SLC35G1: variants seen among roughly 807,000 people sequenced by gnomAD.
The protein encoded by SLC35G1 is solute carrier family 35 member G1.
Under a neutral mutation model 17.1 loss-of-function variants are expected in SLC35G1, and 10 were observed. The observed-to-expected ratio is 0.59, with a 90% CI of 0.36 to 0.99. The LOEUF (loss-of-function observed/expected upper bound fraction) is 0.99, where lower values mean the gene tolerates loss of function less well. Among genes scored for constraint, SLC35G1 ranks in the 50% least tolerant of loss-of-function variants. The pLI is 0.01. For missense variants in SLC35G1, 433 were observed against 468.4 expected (o/e 0.92, Z 0.70); for synonymous variants, 185 against 181.1 (o/e 1.02, Z -0.18).
chr10:93,898,552 A>G lies in SLC35G1; in HGVS notation c.179-19A>G, dbSNP rs1309907099. On this transcript the variant is annotated intron_variant, in intron 1 of 2. Coordinates refer to ENST00000427197, the MANE Select transcript of SLC35G1 (RefSeq NM_001134658.3). ...ATACACTTGGAAGCAAGGACTAACC[A>G]GAATTTAATCTTTTTCAGAAGCCAA... is the stretch of plus-strand genomic sequence containing the variant. 1.9e-6 allele frequency: 3 copies of G among 1,592,016 alleles called. No individual in the cohort carries two copies. The highest frequency in any genetic ancestry group is 4.5e-5 in the East Asian group (2 of 44,752).
chr10:93,895,907 G>A (rs1435614894), intron 1 of SLC35G1, among the ~76,000 whole-genome samples: 1 of 152,118 alleles, frequency 6.6e-6, no homozygotes, highest in African/African-American at 2.4e-5. Context: ...TAGTGATCGA[G>A]TGTAGCAGTG....
Position 93,901,397 on chromosome 10 carries a change from T to C in SLC35G1, c.1005T>C (p.Asn335=). 2 of 1,614,148 alleles carry C rather than the reference T, an allele frequency of 1.2e-6. No individual in the cohort carries two copies. Among genetic ancestry groups the C allele is most frequent in the East Asian group, 2.2e-5 (1 of 44,886 alleles). ...TCTTTCAGATTATTTTCTTTAATAATGTGCCAACGTGGTGGACAGTGGGTG... is the reference window on the plus strand; with the variant it reads ...TCTTTCAGATTATTTTCTTTAATAACGTGCCAACGTGGTGGACAGTGGGTG... ...AFIFQIIFFN[N]VPTWWTVGGA... Residue 335 remains asparagine (N), a synonymous_variant, in exon 3 of 3, where the codon AAT becomes AAC. Transcript: ENST00000427197.
At position 93,900,837 on chromosome 10, in the gene SLC35G1, T is replaced by G; in HGVS notation, c.445T>G (p.Tyr149Asp). ...TTCTACCGCCATGATGCTTATATAC[T>G]ATGCTTACCAGACAATGTCCCTCGC... The part of the protein sequence containing the change: ...LGSTAMMLIY[Y>D]AYQTMSLADA... The change falls in exon 3 of 3, where the codon TAT (tyrosine) becomes GAT (aspartate). Residue 149 changes from tyrosine (Y) to aspartate (D), a missense_variant. Coordinates refer to ENST00000427197, the MANE Select transcript of SLC35G1 (RefSeq NM_001134658.3). 1 of 1,614,138 alleles carries G rather than the reference T, an allele frequency of 6.2e-7. No homozygotes were observed. Among genetic ancestry groups the G allele is most frequent in the Non-Finnish European group, 8.5e-7 (1 of 1,179,956 alleles).
At chr10:93,897,027 T>A (rs193032952) in intron 1 of SLC35G1, among the ~76,000 whole-genome samples, 2 of 152,350 alleles carry the variant, frequency 1.3e-5, no homozygotes, top group East Asian at 3.9e-4. Flanking sequence ...GGTGCTTCAC[T>A]TGGAAGTCTT....
At chr10:93,895,188 C>G (rs981607346) in intron 1 of SLC35G1, among the ~76,000 whole-genome samples, 4 of 152,218 alleles carry the variant, frequency 2.6e-5, no homozygotes, top group African/African-American at 9.6e-5. Flanking sequence ...TTCTGTTCCT[C>G]TCCTCTCACT....
chr10:93,907,230 C>G (rs954821172), downstream of SLC35G1: 1 of 151,996 alleles, frequency 6.6e-6, no homozygotes, highest in African/African-American at 2.4e-5. Context: ...GGTGACAGTA[C>G]GAGATACAAC....
intron 1 of SLC35G1, among the ~76,000 whole-genome samples, chr10:93,896,946 A>G (rs2060335894): frequency 6.6e-6 from 1 of 152,082 alleles, no homozygotes; most frequent in Admixed American, 6.6e-5. Context: ...AAACTGTTTT[A>G]TTTGGAACTG....
rs775150971 is a variant in SLC35G1, at chr10:93,898,766, A to G, written c.359+15A>G. ...ATATACAGAAAGTAAGTATTTTTTA[A>G]CTGCAAAGTAGAAGATATTAATAAA... is the stretch of plus-strand genomic sequence containing the variant. On this transcript the variant is annotated intron_variant, in intron 2 of 2. Coordinates refer to ENST00000427197, the MANE Select transcript of SLC35G1 (RefSeq NM_001134658.3). 2 of 1,589,954 alleles carry G rather than the reference A, an allele frequency of 1.3e-6. No individual in the cohort carries two copies. Among genetic ancestry groups the G allele is most frequent in the Non-Finnish European group, 1.7e-6 (2 of 1,171,030 alleles).
In SLC35G1 at chr10:93,902,550, G is replaced by T. The variant is rs150929102; in HGVS notation, c.*1060G>T. The T allele has an allele frequency of 6.6e-6, 1 of 152,598 alleles. No individual in the cohort carries two copies. Among genetic ancestry groups the T allele is most frequent in the Non-Finnish European group, 1.5e-5 (1 of 67,992 alleles). The allele number at this position is 152,598 out of a possible 1,614,324, so 9.5% of individuals were successfully genotyped here. The stretch of plus-strand genomic sequence containing the variant: ...CCATTATTCTCTAAATGAAATAGAA[G>T]ACTTTGGAGTATATGTTTTTAAAGT... On this transcript the variant is annotated 3_prime_UTR_variant, in exon 3 of 3. Coordinates refer to ENST00000427197, the MANE Select transcript of SLC35G1 (RefSeq NM_001134658.3).
Position 93,901,181 on chromosome 10 carries a change from C to G in SLC35G1, c.789C>G (p.Leu263=). The change falls in exon 3 of 3, where the codon CTC becomes CTG. Residue 263 remains leucine, a synonymous_variant. Transcript: ENST00000427197. ...LSIWYYVVLG[L]VESVIILSVL... ...TTTGGTATTATGTAGTACTTGGCCT[C>G]GTTGAAAGTGTCATCATCCTCTCTG... 2 of 1,614,074 alleles carry G rather than the reference C, an allele frequency of 1.2e-6. No individual in the cohort carries two copies. Among genetic ancestry groups the G allele is most frequent in the South Asian group, 2.2e-5 (2 of 91,076 alleles).
rs113558993 is a variant in SLC35G1, at chr10:93,901,763, A to G, written c.*273A>G. The G allele has an allele frequency of 5.3e-4, 160 of 303,410 alleles. No individual in the cohort carries two copies. The highest frequency in any genetic ancestry group is 3.2e-3 in the African/African-American group (149 of 46,072). The allele number at this position is 303,410 out of a possible 1,614,324, so 18.8% of individuals were successfully genotyped here. Reference sequence around the variant, plus strand: ...AGAGGAGAGCTCATTGTTTGAAGAAAAACCAAAACATTTTATGGCTAGTAA... The same window carrying G: ...AGAGGAGAGCTCATTGTTTGAAGAAGAACCAAAACATTTTATGGCTAGTAA... On this transcript the variant is annotated 3_prime_UTR_variant, in exon 3 of 3. Coordinates refer to ENST00000427197, the MANE Select transcript of SLC35G1 (RefSeq NM_001134658.3).
rs778435567 is a variant in SLC35G1 at position 93,894,182 on chromosome 10, C to G, written c.149C>G (p.Ser50Cys). The G allele has an allele frequency of 1.9e-5, 27 of 1,451,434 alleles. 1 individual carries two copies. The Admixed American group carries it at 6.6e-4, about 35-fold the overall frequency. The allele number at this position is 1,451,434 out of a possible 1,614,324, so 89.9% of individuals were successfully genotyped here. The change falls in exon 1 of 3, where the codon TCC becomes TGC. Residue 50 changes from serine to cysteine, a missense_variant. Ser to Cys is a moderately radical substitution (Grantham distance 112). Coordinates refer to ENST00000427197, the MANE Select transcript of SLC35G1 (RefSeq NM_001134658.3). ...CGCGGTAGGTGCTGGCTCTGCCTTT[C>G]CTCGCCGTGTTGCTCCCGCACCGAG... is the stretch of plus-strand genomic sequence containing the variant. ...PDRGRCWLCL[S>C]SPCCSRTEPE...
rs1206777894 is a variant in SLC35G1 at position 93,901,154 on chromosome 10, C to G, written c.762C>G (p.Ser254Arg). The change falls in exon 3 of 3, where the codon AGC (serine) becomes AGG (arginine). Residue 254 changes from serine (S) to arginine (R), a missense_variant. Coordinates refer to ENST00000427197, the MANE Select transcript of SLC35G1 (RefSeq NM_001134658.3). ...KMGKSVDYFLSIWYYVVLGLV... is the reference protein window; with the variant it reads ...KMGKSVDYFLRIWYYVVLGLV... ...GAAAATCTGTGGACTACTTTCTGAG[C>G]ATTTGGTATTATGTAGTACTTGGCC... 7 of 1,614,062 alleles carry G rather than the reference C, an allele frequency of 4.3e-6. No homozygotes were observed. The highest frequency in any genetic ancestry group is 5.9e-6 in the Non-Finnish European group (7 of 1,179,974).
chr10:93,905,749 C>G (rs1393556333), downstream of SLC35G1, among the ~76,000 whole-genome samples: 2 of 152,128 alleles, frequency 1.3e-5, no homozygotes, highest in African/African-American at 4.8e-5. Context: ...TTTCATGATT[C>G]TAGAAACCAT....
chr10:93,909,557 G>A (rs948231284), exon 3 of SLC35G1: 3 of 151,894 alleles, frequency 2.0e-5, no homozygotes, highest in Admixed American at 6.6e-5. Context: ...TTTATCCTGG[G>A]CTTTATGTAC....
In SLC35G1 at chr10:93,900,840, G is replaced by A. The variant is rs776196137; in HGVS notation, c.448G>A (p.Ala150Thr). The A allele has an allele frequency of 6.2e-7, 1 of 1,614,006 alleles. No individual in the cohort carries two copies. Among genetic ancestry groups the A allele is most frequent in the Non-Finnish European group, 8.5e-7 (1 of 1,179,952 alleles). The change falls in exon 3 of 3, where the codon GCT becomes ACT. Residue 150 changes from alanine to threonine, a missense_variant. Ala to Thr is a moderately conservative substitution (Grantham distance 58, BLOSUM62 0). Coordinates refer to ENST00000427197, the MANE Select transcript of SLC35G1 (RefSeq NM_001134658.3). ...TACCGCCATGATGCTTATATACTATGCTTACCAGACAATGTCCCTCGCTGA... is the reference window on the plus strand; with the variant it reads ...TACCGCCATGATGCTTATATACTATACTTACCAGACAATGTCCCTCGCTGA... The part of the protein sequence containing the change: ...GSTAMMLIYY[A>T]YQTMSLADAT...
In SLC35G1 at chr10:93,893,994, G is replaced by C. The variant is rs991417969; in HGVS notation, c.-40G>C. 1 of 1,339,182 alleles carries C rather than the reference G, an allele frequency of 7.5e-7. No homozygotes were observed. Among genetic ancestry groups the C allele is most frequent in the African/African-American group, 1.5e-5 (1 of 64,976 alleles). The allele number at this position is 1,339,182 out of a possible 1,614,324, so 83.0% of individuals were successfully genotyped here. On this transcript the variant is annotated 5_prime_UTR_variant, in exon 1 of 3. Coordinates refer to ENST00000427197, the MANE Select transcript of SLC35G1 (RefSeq NM_001134658.3). ...CGGCAGCCCAGGCGCTGCTGCTGGCGCCAGACGGCACCGGCCGCTGGTAGA... is the reference window on the plus strand; with the variant it reads ...CGGCAGCCCAGGCGCTGCTGCTGGCCCCAGACGGCACCGGCCGCTGGTAGA...
rs1157511856 is a variant in SLC35G1, at chr10:93,901,455, G to A, written c.1063G>A (p.Ala355Thr). Residue 355 changes from alanine to threonine, a missense_variant, in exon 3 of 3, where the codon GCG (alanine) becomes ACG (threonine). Ala to Thr is a moderately conservative substitution (Grantham distance 58). Coordinates refer to ENST00000427197, the MANE Select transcript of SLC35G1 (RefSeq NM_001134658.3). The part of the protein sequence containing the change: ...ALCVVASNVG[A>T]AIRKWYQSSK ...CTGCGTAGTAGCCAGTAATGTTGGA[G>A]CGGCCATTCGTAAATGGTACCAAAG... The A allele has an allele frequency of 6.3e-7, 1 of 1,599,602 alleles. No homozygotes were observed. Among genetic ancestry groups the A allele is most frequent in the South Asian group, 1.1e-5 (1 of 87,874 alleles).
downstream of SLC35G1, among the ~76,000 whole-genome samples, chr10:93,904,957 C>T (rs1201061914): frequency 6.6e-6 from 1 of 152,194 alleles, no homozygotes; most frequent in African/African-American, 2.4e-5. Flanking sequence ...TCGGCCCCCT[C>T]CTGCTAGCAC....
Sources: gnomAD v4.1 joint callset for allele counts (sites outside exome capture counted in the v4.1 genomes callset) on GRCh38, gnomAD v4.1.1 for gene constraint, MANE v1.5 for transcripts, NCBI Gene and HGNC (gene_info 2026-07-23, HGNC 2026-07-21) for gene names.